WWP2: variants seen among roughly 807,000 people sequenced by gnomAD.
WWP2 encodes the protein WW domain containing E3 ubiquitin protein ligase 2, also known as NEDD4-like E3 ubiquitin-protein ligase WWP2.
WWP2 carries 57 observed loss-of-function variants against 121.0 expected under a neutral mutation model. The observed-to-expected ratio is 0.47, with a 90% CI of 0.38 to 0.59. The LOEUF (loss-of-function observed/expected upper bound fraction) is 0.59, where lower values mean the gene tolerates loss of function less well. Ranked by LOEUF, WWP2 falls within the 20% of genes least tolerant of loss-of-function variation. The probability of loss-of-function intolerance (pLI) is 0.00; values close to 1 mark genes in which losing one functional copy is unlikely to be tolerated. For missense variants in WWP2, 962 were observed against 1,158.9 expected (o/e 0.83, Z 2.47); for synonymous variants, 449 against 441.3 (o/e 1.02, Z -0.22).
At chr16:69,827,362 C>T (rs1212308678) in intron 4 of WWP2, among the ~76,000 whole-genome samples, 2 of 152,082 alleles carry the variant, frequency 1.3e-5, no homozygotes, top group Non-Finnish European at 2.9e-5. Flanking sequence ...CCACTGCACT[C>T]CAGCCTGGGC....
chr16:69,853,901 G>A (rs991689683), intron 6 of WWP2, among the ~76,000 whole-genome samples: 4 of 152,200 alleles, frequency 2.6e-5, no homozygotes, highest in Non-Finnish European at 5.9e-5. Context: ...CTCCCATGGT[G>A]GTCGGCTTTG....
At position 69,850,020 on chromosome 16, in the gene WWP2, A is replaced by G. The variant is rs2057172937; in HGVS notation, c.575+7900A>G. ...TTATAAACTAGGAGGAAGGAAGGCA[A>G]ATCTCTGCCGTTGAAGGCAATATTC... is the stretch of plus-strand genomic sequence containing the variant. On this transcript the variant is annotated intron_variant, in intron 6 of 23. Transcript: ENST00000359154. Among the ~76,000 whole-genome samples the G allele has an allele frequency of 2.6e-5, 4 of 152,308 alleles. No homozygotes were observed. In the South Asian group the frequency reaches 8.3e-4, roughly 32 times the overall value.
At chr16:69,823,169 T>G (rs1478173217) in intron 4 of WWP2, among the ~76,000 whole-genome samples, 2 of 152,150 alleles carry the variant, frequency 1.3e-5, no homozygotes, top group Admixed American at 6.5e-5. Context: ...CAGGTGAAAT[T>G]AATTTTAATA....
intron 4 of WWP2, among the ~76,000 whole-genome samples, chr16:69,826,892 T>G (rs894519802): frequency 1.2e-4 from 17 of 141,494 alleles, no homozygotes; most frequent in African/African-American, 4.3e-4. Context: ...TAAGCCGAGA[T>G]CGTGCCACTG....
chr16:69,812,476 C>CT (rs1555548739), intron 4 of WWP2, among the ~76,000 whole-genome samples: 1,719 of 125,830 alleles, frequency 0.014, 72 homozygotes, highest in African/African-American at 0.044. Context: ...CAACCCCCCC[C>CT]CTTTTTTTTT....
chr16:69,808,789 A>T (rs1225446478), intron 4 of WWP2, among the ~76,000 whole-genome samples: 1 of 152,194 alleles, frequency 6.6e-6, no homozygotes, highest in Non-Finnish European at 1.5e-5. Context: ...TAGACATTTG[A>T]GTTGTTTCCA....
intron 4 of WWP2, chr16:69,838,602 G>T (rs1169487311): frequency 3.3e-6 from 1 of 303,112 alleles, no homozygotes; most frequent in Non-Finnish European, 4.8e-6. Flanking sequence ...AGGCTCTGCT[G>T]GGGCTGGAGC....
At chr16:69,829,098 C>G (rs527625662) in intron 4 of WWP2, among the ~76,000 whole-genome samples, 1 of 152,284 alleles carries the variant, frequency 6.6e-6, no homozygotes, top group African/African-American at 2.4e-5. Flanking sequence ...CTTCGATACC[C>G]GACCCCTCTT....
chr16:69,813,843 C>G (rs2056441452), intron 4 of WWP2, among the ~76,000 whole-genome samples: 1 of 152,158 alleles, frequency 6.6e-6, no homozygotes, highest in African/African-American at 2.4e-5. Flanking sequence ...GCTGCTGTAT[C>G]TTTTCACATG....
At chr16:69,806,981 C>CATTG (rs1279296643) in intron 4 of WWP2, among the ~76,000 whole-genome samples, 3 of 150,114 alleles carry the variant, frequency 2.0e-5, no homozygotes, top group Non-Finnish European at 4.4e-5. Context: ...TTCATTCATT[C>CATTG]ATTCATTCAT....
rs376753742 is a variant in WWP2 at position 69,817,622 on chromosome 16, G to GT, written c.340+18333dup. On this transcript the variant is annotated intron_variant, in intron 4 of 23. Coordinates refer to ENST00000359154, the MANE Select transcript of WWP2 (RefSeq NM_001270454.2). ...TCTTTCATTCTTGGCCCTTTCTATT[G>GT]TTTTTTACAATTACTAGCAGCACTT... 2.5e-3 allele frequency among the ~76,000 whole-genome samples: 271 copies of GT among 109,114 alleles called. 2 individuals carry two copies. The highest frequency in any genetic ancestry group is 8.8e-3 in the African/African-American group (253 of 28,772). 71.6% of individuals were successfully genotyped at this position (109,114 alleles called of 152,430 possible).
At position 69,799,266 on chromosome 16, in the gene WWP2, C is replaced by T; in HGVS notation, c.311C>T (p.Ser104Phe). 6.2e-7 allele frequency: 1 copy of T among 1,614,072 alleles called. No homozygotes were observed. The change falls in exon 4 of 24, where the codon TCC becomes TTC. Residue 104 changes from serine to phenylalanine, a missense_variant. Around this residue, in one of 3 missense-constraint regions of WWP2, gnomAD observed 145 missense variants for 189.8 expected, o/e 0.76. Transcript: ENST00000359154. The surrounding 1 kb of genome is among the most constrained non-coding windows in gnomAD (Gnocchi z 4.5). ...CTAGGCACCGCATCTGTCAACCTCT[C>T]CAACGTCTTGAAGAACAATGGGGGC... is the stretch of plus-strand genomic sequence containing the variant. ...ELLGTASVNL[S>F]NVLKNNGGKM...
intron 7 of WWP2, among the ~76,000 whole-genome samples, chr16:69,880,612 C>T (rs985881102): frequency 3.3e-5 from 5 of 152,266 alleles, no homozygotes; most frequent in African/African-American, 9.6e-5. Context: ...TTTTTCCTCA[C>T]GTAATATAAC....
At chr16:69,826,748 A>G (rs2056702437) in intron 4 of WWP2, among the ~76,000 whole-genome samples, 1 of 151,270 alleles carries the variant, frequency 6.6e-6, no homozygotes, top group South Asian at 2.1e-4. Context: ...AAATTAGCCT[A>G]ACACGGTGAA....
At chr16:69,806,525 A>G (rs1355929155) in intron 4 of WWP2, among the ~76,000 whole-genome samples, 1 of 152,174 alleles carries the variant, frequency 6.6e-6, no homozygotes, top group African/African-American at 2.4e-5. Flanking sequence ...CATAAAACCA[A>G]CTGGGTCTGG....
intron 6 of WWP2, among the ~76,000 whole-genome samples, chr16:69,858,706 A>C (rs2057363911): frequency 6.6e-6 from 1 of 152,196 alleles, no homozygotes; most frequent in Non-Finnish European, 1.5e-5. Context: ...ATCAGAGAAG[A>C]ATTGACACAT....
In WWP2 at chr16:69,929,087, T is replaced by G. The variant is rs2058676410; in HGVS notation, c.1235-361T>G. On this transcript the variant is annotated intron_variant, in intron 11 of 23. Transcript: ENST00000359154. ...GACTTGGGTGGGGGGCCTGGCGGGT[T>G]AGGGACTGCCCGGCTTCCATGCTGC... Among the ~76,000 whole-genome samples, 3 of 152,032 alleles carry G rather than the reference T, an allele frequency of 2.0e-5. No individual in the cohort carries two copies. In the South Asian group the frequency reaches 6.2e-4, roughly 32 times the overall value.
chr16:69,780,009 C>G (rs183005189), intron 1 of WWP2, among the ~76,000 whole-genome samples: 1 of 152,298 alleles, frequency 6.6e-6, no homozygotes, highest in East Asian at 1.9e-4. Context: ...TGCCCCAGAA[C>G]TTTTTTCTTT....
chr16:69,851,854 G>A lies in WWP2; in HGVS notation c.575+9734G>A, dbSNP rs565883319. 1.1e-4 allele frequency among the ~76,000 whole-genome samples: 16 copies of A among 152,144 alleles called. No homozygotes were observed. The South Asian group carries it at 2.3e-3, about 22-fold the overall frequency. ...AAAAATTAGCTGGGCGTGGTAGTGC[G>A]CTCCTGGAGTCCCAGCTACTCGGGA... is the stretch of plus-strand genomic sequence containing the variant. On this transcript the variant is annotated intron_variant, in intron 6 of 23. Transcript: ENST00000359154.
Sources: allele counts gnomAD v4.1 joint callset (sites outside exome capture counted in the v4.1 genomes callset), GRCh38; gene constraint gnomAD v4.1.1; regional missense constraint gnomAD v4.1.1; non-coding constraint Gnocchi (gnomAD v3.1); transcripts MANE v1.5; gene names NCBI Gene and HGNC (gene_info 2026-07-23, HGNC 2026-07-21).